Variants in SMARCA2 observed in about 807,000 individuals in gnomAD.
SMARCA2 encodes the protein SWI/SNF-related matrix-associated actin-dependent regulator of chromatin subfamily A member 2.
A neutral mutation model predicts 199.8 loss-of-function variants in SMARCA2; 61 were observed. The ratio of observed to expected loss-of-function variants is 0.31; its 90% CI spans 0.25 to 0.38. The LOEUF (loss-of-function observed/expected upper bound fraction) is 0.38, where lower values mean the gene tolerates loss of function less well. Among genes scored for constraint, SMARCA2 ranks in the 10% least tolerant of loss-of-function variants. The pLI is 1.00. For missense variants in SMARCA2, 1,344 were observed against 2,012.2 expected, an observed-to-expected ratio of 0.67 and a Z score of 6.35; for synonymous variants, 935 against 732.0, an observed-to-expected ratio of 1.28 and a Z score of -4.48.
intron 5 of SMARCA2, among the ~76,000 whole-genome samples, chr9:2,051,100 G>A (rs904464117): frequency 1.3e-5 from 2 of 152,302 alleles, no homozygotes; most frequent in Non-Finnish European, 1.5e-5. Flanking sequence ...ATTGTCTGGA[G>A]AGGAACATTA....
chr9:2,142,962 T>G (rs941244227), intron 27 of SMARCA2, among the ~76,000 whole-genome samples: 32 of 151,576 alleles, frequency 2.1e-4, no homozygotes, highest in African/African-American at 6.8e-4. Flanking sequence ...GAAGCAATTT[T>G]GATTAAAATG....
chr9:2,026,962 A>G (rs568701103), intron 1 of SMARCA2, among the ~76,000 whole-genome samples: 38 of 152,290 alleles, frequency 2.5e-4, no homozygotes, highest in African/African-American at 8.2e-4. Flanking sequence ...TTTAGAAGCC[A>G]CTTGTACTGG....
At chr9:2,074,810 A>G (rs1821253255) in intron 12 of SMARCA2, among the ~76,000 whole-genome samples, 1 of 152,164 alleles carries the variant, frequency 6.6e-6, no homozygotes, top group Non-Finnish European at 1.5e-5. Context: ...GACTGCAGTG[A>G]GCTGAGGTCG....
At chr9:2,093,707 T>C (rs1354116259) in intron 19 of SMARCA2, among the ~76,000 whole-genome samples, 3 of 152,228 alleles carry the variant, frequency 2.0e-5, no homozygotes, top group Non-Finnish European at 4.4e-5. Context: ...AAAGGCCATC[T>C]TGTCTCTTTT....
chr9:2,160,984 T>TTA (rs930806930), intron 27 of SMARCA2: 25 of 192,426 alleles, frequency 1.3e-4, no homozygotes, highest in African/African-American at 5.9e-4. Context: ...AGCTATTTTA[T>TTA]TATCTCTCTG....
intron 31 of SMARCA2, among the ~76,000 whole-genome samples, chr9:2,183,637 A>G (rs62536679): frequency 3.5e-4 from 3 of 8,578 alleles, no homozygotes; most frequent in East Asian, 0.013. Context: ...CATCAAACAA[A>G]GGAATAGAGA....
rs1427369356 is a variant in SMARCA2, at chr9:2,161,150, T to C, written c.3982-536T>C. On this transcript the variant is annotated intron_variant, in intron 27 of 33. Transcript: ENST00000349721. The surrounding 1 kb of genome is among the most constrained non-coding windows in gnomAD (Gnocchi z 4.7). ...CTTTCCCGTTTCCTTGTTTACTAAT[T>C]GCCACGTTAGAACAAAAATCTAGAT... 6.5e-6 allele frequency: 1 copy of C among 155,018 alleles called. No individual in the cohort carries two copies. Among genetic ancestry groups the C allele is most frequent in the Non-Finnish European group, 1.4e-5 (1 of 69,702 alleles). 9.6% of individuals were successfully genotyped at this position (155,018 alleles called of 1,614,324 possible).
intron 24 of SMARCA2, among the ~76,000 whole-genome samples, chr9:2,113,426 G>C (rs1823089047): frequency 6.6e-6 from 1 of 152,164 alleles, no homozygotes; most frequent in South Asian, 2.1e-4. Flanking sequence ...CAGGCTCTTA[G>C]CTTCAAGTAT....
chr9:2,072,474 C>T (rs1490460379), intron 10 of SMARCA2, among the ~76,000 whole-genome samples: 2 of 152,180 alleles, frequency 1.3e-5, no homozygotes, highest in African/African-American at 4.8e-5. Flanking sequence ...TTCTTTGTCA[C>T]ACTCAAAGAT....
Position 2,110,460 on chromosome 9 carries a change from G to A in SMARCA2, c.3456+43G>A, listed in dbSNP as rs780669740. 9 of 1,460,370 alleles carry A rather than the reference G, an allele frequency of 6.2e-6. No individual in the cohort carries two copies. The highest frequency in any genetic ancestry group is 8.3e-6 in the Non-Finnish European group (9 of 1,080,620). 90.5% of individuals were successfully genotyped at this position (1,460,370 alleles called of 1,614,324 possible). A position where few individuals can be genotyped will look rare whatever the true frequency, so the allele number is the denominator to read the frequency against. ...AGGTGCCCAGGCCTCCCTCTGGAGA[G>A]CAACTAAAAGATGATCAGTTTCATT... is the stretch of plus-strand genomic sequence containing the variant. On this transcript the variant is annotated intron_variant, in intron 24 of 33. Transcript: ENST00000349721. This position sits in a 1 kb window ranked among gnomAD's most constrained non-coding sequence, Gnocchi z 4.8.
At chr9:2,051,937 G>A (rs1438368090) in intron 5 of SMARCA2, among the ~76,000 whole-genome samples, 1 of 152,154 alleles carries the variant, frequency 6.6e-6, no homozygotes, top group Non-Finnish European at 1.5e-5. Context: ...GGGCTACATA[G>A]ATGTTGTAGA....
At position 2,039,898 on chromosome 9, in the gene SMARCA2, CT is replaced by C; in HGVS notation, c.789del (p.Gly264AlafsTer6). The C allele has an allele frequency of 6.2e-7, 1 of 1,613,664 alleles. No homozygotes were observed. The highest frequency in any genetic ancestry group is 8.5e-7 in the Non-Finnish European group (1 of 1,179,938). ...GCCCTTGTTAACTACAACAGACCAT[CT>C]GGTAGGTTAATACGCAACCAAATGA... ...QPALVNYNRP[S>X]GPGPELSGPS... On this transcript the variant is annotated frameshift_variant and splice_region_variant, in exon 4 of 34. Coordinates refer to ENST00000349721, the MANE Select transcript of SMARCA2 (RefSeq NM_003070.5). LOFTEE classifies it high-confidence loss of function. The surrounding 1 kb of genome is among the most constrained non-coding windows in gnomAD (Gnocchi z 4.8).
At chr9:2,129,373 G>A (rs970360812) in intron 27 of SMARCA2, among the ~76,000 whole-genome samples, 16 of 152,262 alleles carry the variant, frequency 1.1e-4, no homozygotes, top group African/African-American at 3.4e-4. Context: ...AGCCGAGATC[G>A]TGCCATTGCA....
At chr9:2,157,893 G>A (rs538924895) in intron 27 of SMARCA2, 2 of 398,612 alleles carry the variant, frequency 5.0e-6, no homozygotes, top group African/African-American at 4.1e-5. Flanking sequence ...TGTGGTTGGT[G>A]TGTGTCAGGA....
chr9:2,020,281 G>C (rs921662909), intron 1 of SMARCA2, among the ~76,000 whole-genome samples: 15 of 151,610 alleles, frequency 9.9e-5, no homozygotes, highest in Non-Finnish European at 1.5e-4. Flanking sequence ...CTTAAATATT[G>C]TGTTTTGGAG....
intron 29 of SMARCA2, among the ~76,000 whole-genome samples, chr9:2,173,010 G>A (rs1826341200): frequency 6.6e-6 from 1 of 152,106 alleles, no homozygotes; most frequent in African/African-American, 2.4e-5. Flanking sequence ...GGAAGACAAG[G>A]GAATAAATAT....
chr9:2,022,921 A>AT (rs1365260924), intron 1 of SMARCA2, among the ~76,000 whole-genome samples: 1 of 152,138 alleles, frequency 6.6e-6, no homozygotes, highest in Non-Finnish European at 1.5e-5. Context: ...TTTAAAAGTG[A>AT]TTTTCATCTG....
chr9:2,180,065 A>G (rs1252879156), intron 29 of SMARCA2, among the ~76,000 whole-genome samples: 1 of 152,196 alleles, frequency 6.6e-6, no homozygotes, highest in African/African-American at 2.4e-5. Context: ...TTAGGGAAGG[A>G]CGAACGCATT....
At chr9:2,116,085 A>C in intron 25 of SMARCA2, 36 bp downstream of exon 25, 1 of 1,481,434 alleles carries the variant, frequency 6.8e-7, no homozygotes, top group Non-Finnish European at 9.4e-7. Context: ...GAAATCAAAC[A>C]GTGGCCTTTT....
Sources: allele counts gnomAD v4.1 joint callset (sites outside exome capture counted in the v4.1 genomes callset), GRCh38; gene constraint gnomAD v4.1.1; non-coding constraint Gnocchi (gnomAD v3.1); transcripts MANE v1.5; gene names NCBI Gene and HGNC (gene_info 2026-07-23, HGNC 2026-07-21).